Variants in PTPRA observed in about 807,000 individuals in gnomAD.
The protein encoded by PTPRA is protein tyrosine phosphatase receptor type A, also known as receptor-type tyrosine-protein phosphatase alpha.
In PTPRA, 25 loss-of-function variants were observed where a neutral mutation model predicts 104.8. The observed-to-expected ratio is 0.24, with a 90% CI of 0.17 to 0.33. The LOEUF is 0.33. PTPRA is among the 10% of genes least tolerant of loss of function. The probability of loss-of-function intolerance (pLI) is 1.00; values close to 1 mark genes in which losing one functional copy is unlikely to be tolerated. For missense variants in PTPRA, 765 were observed against 1,015.3 expected, an observed-to-expected ratio of 0.75 and a Z score of 3.35; for synonymous variants, 323 against 368.9, an observed-to-expected ratio of 0.88 and a Z score of 1.43.
upstream of PTPRA, among the ~76,000 whole-genome samples, chr20:2,871,141 T>C (rs967384899): frequency 3.3e-5 from 5 of 152,232 alleles, no homozygotes; most frequent in Non-Finnish European, 7.3e-5. Context: ...CCTTGGTCTG[T>C]AGTTCTGTCA....
intron 6 of PTPRA, among the ~76,000 whole-genome samples, chr20:2,984,137 T>TA (rs2062805301): frequency 6.6e-6 from 1 of 152,062 alleles, no homozygotes. Context: ...GAGAGCCACA[T>TA]ACCACAGTAT....
chr20:2,982,998 G>A (rs1002958327), intron 6 of PTPRA, among the ~76,000 whole-genome samples: 3 of 152,050 alleles, frequency 2.0e-5, no homozygotes, highest in Admixed American at 6.6e-5. Context: ...GTGCCTGGCC[G>A]TAACAGCTAA....
intron 3 of PTPRA, chr20:2,955,478 A>C (rs963984688): frequency 1.4e-5 from 3 of 207,496 alleles, no homozygotes; most frequent in Admixed American, 6.5e-5. Flanking sequence ...TTGTCTATGC[A>C]AGTGAGCTGC....
chr20:2,983,525 G>A (rs899897422), intron 6 of PTPRA, among the ~76,000 whole-genome samples: 1 of 142,906 alleles, frequency 7.0e-6, no homozygotes, highest in Non-Finnish European at 1.5e-5. Context: ...CCAGGTGAGA[G>A]AGGATGGAGG....
upstream of PTPRA, among the ~76,000 whole-genome samples, chr20:2,868,705 A>G (rs193255839): frequency 3.2e-3 from 443 of 140,032 alleles, 2 homozygotes; most frequent in Non-Finnish European, 5.3e-3. Context: ...TGATGCCTTT[A>G]AAAAATGTTT....
intron 1 of PTPRA, among the ~76,000 whole-genome samples, chr20:2,919,768 C>G (rs188750902): frequency 3.1e-4 from 47 of 152,198 alleles, no homozygotes; most frequent in African/African-American, 1.1e-3. Flanking sequence ...GTAATTGGGT[C>G]AACTAGGATT....
intron 18 of PTPRA, 92 bp from the exon 19 acceptor site, chr20:3,027,029 T>C: frequency 1.5e-6 from 2 of 1,356,752 alleles, no homozygotes; most frequent in South Asian, 2.5e-5. Flanking sequence ...CAGCTGGGAT[T>C]CTGTCTGCCC....
At chr20:2,922,603 A>G (rs1328682546) in intron 1 of PTPRA, among the ~76,000 whole-genome samples, 2 of 151,780 alleles carry the variant, frequency 1.3e-5, no homozygotes, top group Non-Finnish European at 2.9e-5. Flanking sequence ...CGGCCTCCCA[A>G]AGTGCTGGGA....
At chr20:2,895,003 AAAG>A (rs1410903681) in intron 1 of PTPRA, among the ~76,000 whole-genome samples, 4 of 151,856 alleles carry the variant, frequency 2.6e-5, no homozygotes, top group South Asian at 2.1e-4. Flanking sequence ...AAAAAAAAAA[AAAG>A]TAGTTTGTCT....
intron 9 of PTPRA, among the ~76,000 whole-genome samples, chr20:2,990,829 T>C (rs934923246): frequency 1.3e-5 from 2 of 152,056 alleles, no homozygotes; most frequent in African/African-American, 4.8e-5. Context: ...GGTCAGTGGG[T>C]CACCATTCAT....
In PTPRA at chr20:3,037,498, G is replaced by A. The variant is rs1274497255; in HGVS notation, c.2334+209G>A. ...CATAGCCCCTGTTGCCAGAGGTTGG[G>A]CCAGGTTAGAAGGGGTGTCTGGGTG... is the stretch of plus-strand genomic sequence containing the variant. On this transcript the variant is annotated intron_variant, in intron 23 of 23. Coordinates refer to ENST00000399903, the MANE Select transcript of PTPRA (RefSeq NM_001385305.1). The surrounding 1 kb of genome is among the most constrained non-coding windows in gnomAD (Gnocchi z 4.3). 1.3e-5 allele frequency among the ~76,000 whole-genome samples: 2 copies of A among 152,192 alleles called. No individual in the cohort carries two copies. The highest frequency in any genetic ancestry group is 2.9e-5 in the Non-Finnish European group (2 of 68,028).
At chr20:2,958,842 A>C in intron 3 of PTPRA, among the ~76,000 whole-genome samples, 1 of 126,248 alleles carries the variant, frequency 7.9e-6, no homozygotes, top group Non-Finnish European at 1.6e-5. Context: ...GCGAGACTGT[A>C]TCAAAAAAAA....
At chr20:2,943,928 C>A (rs996890944) in intron 2 of PTPRA, among the ~76,000 whole-genome samples, 7 of 151,972 alleles carry the variant, frequency 4.6e-5, no homozygotes, top group African/African-American at 1.7e-4. Context: ...CTATTGCTGC[C>A]TAGCAAAACA....
At chr20:2,934,238 G>C (rs879831406) in intron 2 of PTPRA, among the ~76,000 whole-genome samples, 1 of 152,048 alleles carries the variant, frequency 6.6e-6, no homozygotes, top group African/African-American at 2.4e-5. Context: ...TCAAGTAGCT[G>C]GGACTACAGA....
intron 12 of PTPRA, among the ~76,000 whole-genome samples, chr20:3,017,037 T>G (rs1282987410): frequency 6.6e-6 from 1 of 152,228 alleles, no homozygotes; most frequent in African/African-American, 2.4e-5. Context: ...ATGTTATTTT[T>G]TGTATAGTTT....
chr20:2,959,560 TAG>T (rs1027616616), intron 3 of PTPRA, among the ~76,000 whole-genome samples: 3 of 152,190 alleles, frequency 2.0e-5, no homozygotes, highest in Admixed American at 1.3e-4. Context: ...TTTTTTAAAA[TAG>T]ACTTTTTTTT....
chr20:2,978,965 G>T lies in PTPRA; in HGVS notation c.442+3724G>T, dbSNP rs377412182. Among the ~76,000 whole-genome samples, 23 of 152,312 alleles carry T rather than the reference G, an allele frequency of 1.5e-4. No homozygotes were observed. In the South Asian group the frequency reaches 4.3e-3, roughly 29 times the overall value. On this transcript the variant is annotated intron_variant, in intron 6 of 23. Coordinates refer to ENST00000399903, the MANE Select transcript of PTPRA (RefSeq NM_001385305.1). ...AGTGTGTGAACTTGTGGATGCCAAA[G>T]CCAATCTCTTCCCTTCATGTCAGAC...
Position 2,922,334 on chromosome 20 carries a change from T to TATTGATTG in PTPRA, c.-128-855_-128-848dup, listed in dbSNP as rs774607791. Reference sequence around the variant, plus strand: ...CCATAATGTTTAAATAGGGCTGTTTTATTGATTGATTGATTGATTGATTGA... The same window carrying TATTGATTG: ...CCATAATGTTTAAATAGGGCTGTTTTATTGATTGATTGATTGATTGATTGATTGATTGA... On this transcript the variant is annotated intron_variant, in intron 1 of 23. Transcript: ENST00000399903. Among the ~76,000 whole-genome samples, 30 of 152,216 alleles carry TATTGATTG rather than the reference T, an allele frequency of 2.0e-4. No homozygotes were observed. In the East Asian group the frequency reaches 5.0e-3, roughly 25 times the overall value.
chr20:3,024,453 T>C lies in PTPRA; in HGVS notation c.1465-19T>C. The C allele has an allele frequency of 3.1e-6, 5 of 1,609,700 alleles. No individual in the cohort carries two copies. The highest frequency in any genetic ancestry group is 4.3e-6 in the Non-Finnish European group (5 of 1,176,432). On this transcript the variant is annotated intron_variant, in intron 16 of 23. Transcript: ENST00000399903. ...TATGTTGTATGTAACCAAGAACTTC[T>C]GTGTCATTCATGTTTCAGATGCAGT...
Sources: allele counts gnomAD v4.1 joint callset (sites outside exome capture counted in the v4.1 genomes callset), GRCh38; gene constraint gnomAD v4.1.1; non-coding constraint Gnocchi (gnomAD v3.1); transcripts MANE v1.5; gene names NCBI Gene and HGNC (gene_info 2026-07-23, HGNC 2026-07-21).